The following KCNMA1 variants were observed in gnomAD, a reference collection of about 807,000 sequenced individuals.
KCNMA1 encodes Calcium-activated potassium channel subunit alpha-1.
In KCNMA1, 29 loss-of-function variants were observed where a neutral mutation model predicts 140.0. The observed-to-expected ratio is 0.21, with a 90% CI of 0.15 to 0.28. The LOEUF is 0.28. Ranked by LOEUF, KCNMA1 falls within the 10% of genes least tolerant of loss-of-function variation. KCNMA1 has a pLI of 1.00. For synonymous variants in KCNMA1, 612 were observed against 611.9 expected (o/e 1.00, Z 0.00); for missense variants, 880 against 1,602.2 (o/e 0.55, Z 7.70).
chr10:77,431,317 A>G (rs896745825), intron 1 of KCNMA1, among the ~76,000 whole-genome samples: 2 of 152,234 alleles, frequency 1.3e-5, no homozygotes, highest in African/African-American at 4.8e-5. Context: ...TGACAGAGAA[A>G]CTGGATGGTA....
At chr10:77,506,486 CAGAGAGACAG>C (rs1033924333) in intron 1 of KCNMA1, among the ~76,000 whole-genome samples, 6 of 150,846 alleles carry the variant, frequency 4.0e-5, no homozygotes, top group Non-Finnish European at 7.4e-5. Context: ...ATGCATCTAT[CAGAGAGACAG>C]AGAGAGAAAG....
At chr10:77,018,481 C>T (rs2092445470) in intron 17 of KCNMA1, among the ~76,000 whole-genome samples, 1 of 152,148 alleles carries the variant, frequency 6.6e-6, no homozygotes, top group Non-Finnish European at 1.5e-5. Context: ...CAGTGAAATC[C>T]TGTGCTGCAC....
chr10:77,440,726 G>T lies in KCNMA1; in HGVS notation c.379-36703C>A, dbSNP rs138634458. ...TTCTGAGTTGGAGGAAGCCTGGGAGGTTAAATGTCACTGGCTTTTGCAGAG... is the reference window on the plus strand; with the variant it reads ...TTCTGAGTTGGAGGAAGCCTGGGAGTTTAAATGTCACTGGCTTTTGCAGAG... On this transcript the variant is annotated intron_variant, in intron 1 of 27. Transcript: ENST00000286628. 8.0e-4 allele frequency among the ~76,000 whole-genome samples: 122 copies of T among 152,338 alleles called. 1 individual carries two copies. The highest frequency in any genetic ancestry group is 8.8e-4 in the Non-Finnish European group (60 of 68,028).
At chr10:76,977,611 C>A in intron 19 of KCNMA1, 1 of 702,928 alleles carries the variant, frequency 1.4e-6, no homozygotes, top group Non-Finnish European at 2.6e-6. Flanking sequence ...GCTTTCCAGT[C>A]TCCACAAAGA....
chr10:77,506,596 A>AGAGAGAGAGTGTGTGT lies in KCNMA1; in HGVS notation c.379-102574_379-102573insACACACACTCTCTCTC. On this transcript the variant is annotated intron_variant, in intron 1 of 27. Transcript: ENST00000286628. ...TAGAGAGAGAGAGAGAGAGAGAGAG[A>AGAGAGAGAGTGTGTGT]GTGTGTGTGTGTGTGTGTGTGTGTT... 2.3e-3 allele frequency among the ~76,000 whole-genome samples: 192 copies of AGAGAGAGAGTGTGTGT among 83,538 alleles called. 8 individuals carry two copies. The highest frequency in any genetic ancestry group is 0.013 in the Middle Eastern group (2 of 156). 54.8% of individuals were successfully genotyped at this position (83,538 alleles called of 152,430 possible). A position where few individuals can be genotyped will look rare whatever the true frequency, so the allele number is the denominator to read the frequency against.
At chr10:77,458,424 G>A (rs2097794960) in intron 1 of KCNMA1, among the ~76,000 whole-genome samples, 1 of 152,138 alleles carries the variant, frequency 6.6e-6, no homozygotes, top group Non-Finnish European at 1.5e-5. Flanking sequence ...AGCAGAGCTG[G>A]GATTAGAACC....
intron 1 of KCNMA1, among the ~76,000 whole-genome samples, chr10:77,413,662 A>G (rs774742553): frequency 6.6e-6 from 1 of 152,138 alleles, no homozygotes; most frequent in African/African-American, 2.4e-5. Context: ...GGAGTGGCAG[A>G]GTTCACTTCT....
chr10:77,367,490 T>C (rs1362563244), intron 2 of KCNMA1, among the ~76,000 whole-genome samples: 1 of 152,162 alleles, frequency 6.6e-6, no homozygotes. Flanking sequence ...TTATAAGAAA[T>C]GCAGAGTCCC....
chr10:77,518,105 C>T (rs1206996018), intron 1 of KCNMA1, among the ~76,000 whole-genome samples: 1 of 152,122 alleles, frequency 6.6e-6, no homozygotes, highest in Non-Finnish European at 1.5e-5. Context: ...CTTTTCCAGG[C>T]AAGTTGATCT....
intron 1 of KCNMA1, among the ~76,000 whole-genome samples, chr10:77,482,986 TCACATACACACA>T (rs772588774): frequency 2.0e-4 from 15 of 75,454 alleles, no homozygotes; most frequent in East Asian, 8.1e-4. Flanking sequence ...TCTCTCTCTC[TCACATACACACA>T]CACACACACA....
chr10:77,474,604 G>A (rs948564349), intron 1 of KCNMA1, among the ~76,000 whole-genome samples: 5 of 152,052 alleles, frequency 3.3e-5, no homozygotes, highest in Admixed American at 1.3e-4. Flanking sequence ...CACATGGGGC[G>A]CGGTAGGGTG....
intron 1 of KCNMA1, among the ~76,000 whole-genome samples, chr10:77,414,545 G>T (rs971253787): frequency 6.6e-6 from 1 of 152,036 alleles, no homozygotes; most frequent in African/African-American, 2.4e-5. Flanking sequence ...AGGATGGAGT[G>T]CAGTGATGCA....
chr10:76,932,391 T>A (rs977924042), intron 23 of KCNMA1, among the ~76,000 whole-genome samples: 1 of 152,186 alleles, frequency 6.6e-6, no homozygotes, highest in African/African-American at 2.4e-5. Context: ...GTATTCTTAG[T>A]GAGAAAATTG....
intron 1 of KCNMA1, among the ~76,000 whole-genome samples, chr10:77,457,008 C>T (rs1360375552): frequency 6.6e-6 from 1 of 152,186 alleles, no homozygotes; most frequent in African/African-American, 2.4e-5. Flanking sequence ...CACAGACCAA[C>T]TTGAGAATCT....
chr10:77,019,348 G>A, intron 16 of KCNMA1: 1 of 510,614 alleles, frequency 2.0e-6, no homozygotes, highest in South Asian at 2.2e-5. Context: ...GCAAATCAAG[G>A]TATTAGGGCC....
At chr10:77,545,836 G>A (rs1222362744) in intron 1 of KCNMA1, among the ~76,000 whole-genome samples, 3 of 152,200 alleles carry the variant, frequency 2.0e-5, no homozygotes, top group Non-Finnish European at 2.9e-5. Flanking sequence ...CGTAGGAACA[G>A]AGACCCAATA....
chr10:77,588,990 CAGTT>C (rs1328413114), intron 1 of KCNMA1, among the ~76,000 whole-genome samples: 1 of 152,192 alleles, frequency 6.6e-6, no homozygotes, highest in African/African-American at 2.4e-5. Flanking sequence ...CTGTGCAGGC[CAGTT>C]AGTCTCTGTA....
intron 14 of KCNMA1, among the ~76,000 whole-genome samples, chr10:77,062,453 T>C (rs1202841351): frequency 6.6e-6 from 1 of 152,236 alleles, no homozygotes; most frequent in Non-Finnish European, 1.5e-5. Context: ...AAGTCTATCA[T>C]ACTGCACTGT....
intron 14 of KCNMA1, among the ~76,000 whole-genome samples, chr10:77,055,744 T>C (rs185945398): frequency 1.3e-5 from 2 of 152,156 alleles, no homozygotes; most frequent in Non-Finnish European, 2.9e-5. Flanking sequence ...ACAGAAAGTA[T>C]ACAGAAAGCC....
Sources: gnomAD v4.1 joint callset for allele counts (sites outside exome capture counted in the v4.1 genomes callset) on GRCh38, gnomAD v4.1.1 for gene constraint, MANE v1.5 for transcripts, NCBI Gene and HGNC (gene_info 2026-07-23, HGNC 2026-07-21) for gene names.